The following LRMDA variants were observed in gnomAD, a reference collection of about 807,000 sequenced individuals.
LRMDA encodes leucine-rich melanocyte differentiation-associated protein.
In LRMDA, 18 loss-of-function variants were observed where a neutral mutation model predicts 29.8. The ratio of observed to expected loss-of-function variants is 0.60; its 90% CI spans 0.42 to 0.90. The LOEUF (loss-of-function observed/expected upper bound fraction) is 0.90. Ranked by LOEUF, LRMDA falls within the 40% of genes least tolerant of loss-of-function variation. The probability of loss-of-function intolerance (pLI) is 0.00; values close to 1 mark genes in which losing one functional copy is unlikely to be tolerated. For missense variants in LRMDA, 273 were observed against 273.9 expected (o/e 1.00, Z 0.02); for synonymous variants, 125 against 109.4 (o/e 1.14, Z -0.89).
intron 2 of LRMDA, among the ~76,000 whole-genome samples, chr10:75,862,555 C>T (rs73279284): frequency 0.023 from 3,437 of 152,222 alleles, 135 homozygotes; most frequent in African/African-American, 0.079. Flanking sequence ...CATTTCAAGT[C>T]ATTAGGCGAT....
At chr10:75,916,183 T>TGG in intron 2 of LRMDA, among the ~76,000 whole-genome samples, 1 of 129,062 alleles carries the variant, frequency 7.7e-6, no homozygotes, top group Non-Finnish European at 1.7e-5. Context: ...TGTGTGTGTG[T>TGG]GTGTGTGTGT....
chr10:76,176,792 C>G (rs1411705048), intron 5 of LRMDA, among the ~76,000 whole-genome samples: 1 of 152,138 alleles, frequency 6.6e-6, no homozygotes, highest in Non-Finnish European at 1.5e-5. Context: ...GACTCCGTCT[C>G]AAAAAGAGAA....
At chr10:75,641,582 C>T (rs1030148544) in intron 2 of LRMDA, among the ~76,000 whole-genome samples, 9 of 152,136 alleles carry the variant, frequency 5.9e-5, no homozygotes, top group East Asian at 1.9e-4. Flanking sequence ...AATGCAGCCT[C>T]GACCTCCTGA....
At chr10:76,520,137 G>T (rs1843103741) in intron 6 of LRMDA, among the ~76,000 whole-genome samples, 1 of 151,966 alleles carries the variant, frequency 6.6e-6, no homozygotes, top group Admixed American at 6.5e-5. Flanking sequence ...AATTCATTTA[G>T]TCCTAATATT....
chr10:75,724,066 T>A (rs1227094104), intron 2 of LRMDA, among the ~76,000 whole-genome samples: 5 of 152,192 alleles, frequency 3.3e-5, no homozygotes, highest in Admixed American at 6.5e-5. Flanking sequence ...AATTATTATT[T>A]TTTTTGCCAT....
At chr10:75,916,360 C>T (rs1845934765) in intron 2 of LRMDA, among the ~76,000 whole-genome samples, 1 of 152,126 alleles carries the variant, frequency 6.6e-6, no homozygotes, top group African/African-American at 2.4e-5. Context: ...CTATTGCTGG[C>T]TGGGCTCCTC....
chr10:76,090,075 G>C (rs1849205437), intron 5 of LRMDA, among the ~76,000 whole-genome samples: 1 of 152,142 alleles, frequency 6.6e-6, no homozygotes, highest in South Asian at 2.1e-4. Context: ...TGAGCACCAG[G>C]AGGAGAGACG....
chr10:75,863,735 A>G (rs571295769), intron 2 of LRMDA, among the ~76,000 whole-genome samples: 33 of 152,340 alleles, frequency 2.2e-4, no homozygotes, highest in African/African-American at 7.9e-4. Context: ...GTGGCGAGCT[A>G]GGTAGAGAGG....
chr10:76,030,596 C>T (rs550445614), intron 2 of LRMDA, among the ~76,000 whole-genome samples: 2 of 152,292 alleles, frequency 1.3e-5, no homozygotes, highest in African/African-American at 4.8e-5. Context: ...TGAGACCATC[C>T]TGGCCAACAT....
chr10:75,549,630 T>A (rs1050317819), intron 2 of LRMDA, among the ~76,000 whole-genome samples: 1 of 152,158 alleles, frequency 6.6e-6, no homozygotes, highest in Non-Finnish European at 1.5e-5. Context: ...TATTTTTTAT[T>A]TTTGAAGTCA....
intron 2 of LRMDA, among the ~76,000 whole-genome samples, chr10:75,870,283 C>G (rs1845086841): frequency 6.6e-6 from 1 of 152,228 alleles, no homozygotes; most frequent in Non-Finnish European, 1.5e-5. Context: ...TTTGGCACTA[C>G]AGAAGCAAAG....
chr10:76,521,829 ATT>A (rs924105385), intron 6 of LRMDA, among the ~76,000 whole-genome samples: 5 of 152,118 alleles, frequency 3.3e-5, no homozygotes, highest in African/African-American at 1.2e-4. Context: ...TCATGTATTA[ATT>A]TTGTTTCCCC....
intron 5 of LRMDA, among the ~76,000 whole-genome samples, chr10:76,077,992 ATTTTTTTTTTTTTTTTTT>A (rs756023731): frequency 2.9e-4 from 14 of 48,086 alleles, no homozygotes; most frequent in East Asian, 1.2e-3. Context: ...CAATATTAAC[ATTTTTTTTTTTTTTTTTT>A]TTTTTTTTTT....
chr10:76,218,713 G>T (rs1231264576), intron 5 of LRMDA, among the ~76,000 whole-genome samples: 1 of 152,114 alleles, frequency 6.6e-6, no homozygotes, highest in Non-Finnish European at 1.5e-5. Flanking sequence ...ATGGCCTGTT[G>T]GTGGATCAAA....
chr10:76,063,324 A>G (rs76127649), intron 5 of LRMDA, among the ~76,000 whole-genome samples: 1 of 152,106 alleles, frequency 6.6e-6, no homozygotes, highest in Non-Finnish European at 1.5e-5. Flanking sequence ...AGTGTGTTCA[A>G]ACGTATGTTT....
At chr10:76,240,451 GTTATATA>G (rs1263628965) in intron 5 of LRMDA, among the ~76,000 whole-genome samples, 8 of 147,622 alleles carry the variant, frequency 5.4e-5, no homozygotes, top group Admixed American at 6.8e-5. Flanking sequence ...ATATATACAT[GTTATATA>G]TTATATATAT....
At chr10:76,093,532 T>G (rs999380884) in intron 5 of LRMDA, among the ~76,000 whole-genome samples, 2 of 152,126 alleles carry the variant, frequency 1.3e-5, no homozygotes, top group Admixed American at 1.3e-4. Context: ...AATCAAGCCT[T>G]GTCGAATGTT....
At chr10:75,969,574 C>T (rs1169447397) in intron 2 of LRMDA, among the ~76,000 whole-genome samples, 5 of 152,252 alleles carry the variant, frequency 3.3e-5, no homozygotes, top group Admixed American at 6.5e-5. Flanking sequence ...CACAAGCTCA[C>T]GCTTATTATG....
intron 5 of LRMDA, among the ~76,000 whole-genome samples, chr10:76,199,829 C>T (rs911004559): frequency 1.3e-5 from 2 of 152,196 alleles, no homozygotes; most frequent in Non-Finnish European, 2.9e-5. Flanking sequence ...TGCTTTTTCA[C>T]GTGCTCTGAA....
Sources: gnomAD v4.1 joint callset for allele counts (sites outside exome capture counted in the v4.1 genomes callset) on GRCh38, gnomAD v4.1.1 for gene constraint, MANE v1.5 for transcripts, NCBI Gene and HGNC (gene_info 2026-07-23, HGNC 2026-07-21) for gene names.